TMEM63C: variants seen among roughly 807,000 people sequenced by gnomAD.
TMEM63C encodes transmembrane protein 63C.
In TMEM63C, 32 loss-of-function variants were observed where a neutral mutation model predicts 99.2. The observed-to-expected ratio is 0.32, with a 90% CI of 0.24 to 0.43. The LOEUF is 0.43. TMEM63C is among the 20% of genes least tolerant of loss of function. The probability of loss-of-function intolerance (pLI) is 1.00; values close to 1 mark genes in which losing one functional copy is unlikely to be tolerated. For synonymous variants in TMEM63C, 376 were observed against 397.9 expected, an observed-to-expected ratio of 0.94 and a Z score of 0.66; for missense variants, 826 against 1,053.0, an observed-to-expected ratio of 0.78 and a Z score of 2.98.
At chr14:77,224,697 C>A (rs395051) in intron 5 of TMEM63C, among the ~76,000 whole-genome samples, 75,721 of 151,700 alleles carry the variant, frequency 0.5, 19,423 homozygotes, top group East Asian at 0.76. Context: ...AGGCCTCAAC[C>A]GGACAGGACC....
chr14:77,228,649 G>C (rs12588625), intron 6 of TMEM63C, among the ~76,000 whole-genome samples: 1 of 151,274 alleles, frequency 6.6e-6, no homozygotes, highest in South Asian at 2.1e-4. Context: ...CAATTTTCCT[G>C]CCTCAGCCTC....
chr14:77,205,241 C>A (rs2140099698), intron 1 of TMEM63C, among the ~76,000 whole-genome samples: 1 of 152,330 alleles, frequency 6.6e-6, no homozygotes, highest in Admixed American at 6.5e-5. Context: ...CACACCCAGG[C>A]CTTGCTGGCC....
At chr14:77,223,134 T>C (rs1888755974) in intron 5 of TMEM63C, among the ~76,000 whole-genome samples, 1 of 152,052 alleles carries the variant, frequency 6.6e-6, no homozygotes, top group African/African-American at 2.4e-5. Flanking sequence ...GCTTCCTGGA[T>C]AGAAAAAAGG....
intron 1 of TMEM63C, among the ~76,000 whole-genome samples, chr14:77,185,130 G>T (rs956814905): frequency 6.6e-5 from 10 of 152,194 alleles, no homozygotes; most frequent in African/African-American, 2.4e-4. Context: ...TGCTTAGAAA[G>T]CTAGGACTAG....
At position 77,258,175 on chromosome 14, in the gene TMEM63C, G is replaced by C. The variant is rs940205947; in HGVS notation, c.*1449G>C. Reference sequence around the variant, plus strand: ...AACCAGAACAAGCCAAGCTGAATGGGGTCTGTGTGCTCCAGGGCCCTCTTC... The same window carrying C: ...AACCAGAACAAGCCAAGCTGAATGGCGTCTGTGTGCTCCAGGGCCCTCTTC... On this transcript the variant is annotated 3_prime_UTR_variant, in exon 24 of 24. Transcript: ENST00000298351. The C allele has an allele frequency of 1.3e-5, 2 of 152,568 alleles. No individual in the cohort carries two copies. Among genetic ancestry groups the C allele is most frequent in the Non-Finnish European group, 2.9e-5 (2 of 68,344 alleles). 9.5% of individuals were successfully genotyped at this position (152,568 alleles called of 1,614,324 possible).
chr14:77,239,527 T>C (rs1313987404), intron 11 of TMEM63C, 35 bp downstream of exon 11: 1 of 1,611,536 alleles, frequency 6.2e-7, no homozygotes, highest in Non-Finnish European at 8.5e-7. Flanking sequence ...GGGCCCGGGG[T>C]GGGGGTAAAA....
At chr14:77,215,284 C>T (rs1229816246) in intron 2 of TMEM63C, among the ~76,000 whole-genome samples, 1 of 152,066 alleles carries the variant, frequency 6.6e-6, no homozygotes, top group Non-Finnish European at 1.5e-5. Flanking sequence ...TGGGCTGAGA[C>T]CTCATTCCTT....
chr14:77,251,758 C>T (rs1375399908), intron 21 of TMEM63C, 31 bp from the exon 22 acceptor site: 2 of 1,585,572 alleles, frequency 1.3e-6, no homozygotes, highest in Non-Finnish European at 1.7e-6. Flanking sequence ...CTGGCAGACT[C>T]CTGCCCATGA....
chr14:77,191,933 G>C (rs1292765048), intron 1 of TMEM63C, among the ~76,000 whole-genome samples: 2 of 152,098 alleles, frequency 1.3e-5, no homozygotes, highest in African/African-American at 2.4e-5. Context: ...ATTGTGGTGT[G>C]GTCTATTTCT....
intron 1 of TMEM63C, among the ~76,000 whole-genome samples, chr14:77,193,428 G>A (rs1331217204): frequency 6.6e-6 from 1 of 152,170 alleles, no homozygotes; most frequent in Non-Finnish European, 1.5e-5. Flanking sequence ...GGGCACGGTG[G>A]CTCATGGTTG....
intron 1 of TMEM63C, among the ~76,000 whole-genome samples, chr14:77,182,284 G>A (rs12891631): frequency 0.31 from 47,655 of 151,978 alleles, 9,038 homozygotes; most frequent in East Asian, 0.67. Flanking sequence ...CCGGGGCTCT[G>A]CCGCCCACTC....
At chr14:77,251,140 C>T (rs1555349585) in intron 21 of TMEM63C, among the ~76,000 whole-genome samples, 1 of 152,214 alleles carries the variant, frequency 6.6e-6, no homozygotes, top group Non-Finnish European at 1.5e-5. Context: ...ACGTAGGTGC[C>T]TTTCAGCGGT....
intron 6 of TMEM63C, among the ~76,000 whole-genome samples, chr14:77,227,212 G>A (rs1004148027): frequency 3.9e-5 from 6 of 152,208 alleles, no homozygotes; most frequent in African/African-American, 1.4e-4. Context: ...ATTAGAGAAA[G>A]TCCAAAGTCA....
intron 1 of TMEM63C, among the ~76,000 whole-genome samples, chr14:77,189,752 C>T (rs1888071354): frequency 6.6e-6 from 1 of 152,186 alleles, no homozygotes. Flanking sequence ...GAGGTGACAG[C>T]TGGGTGTGAA....
At chr14:77,214,436 C>T (rs1180168527) in intron 2 of TMEM63C, among the ~76,000 whole-genome samples, 1 of 152,042 alleles carries the variant, frequency 6.6e-6, no homozygotes, top group Admixed American at 6.5e-5. Flanking sequence ...GGAGACTCCC[C>T]AGTCCAGCTT....
At chr14:77,242,202 C>A (rs1889189014) in intron 13 of TMEM63C, 145 bp from the exon 14 acceptor site, 3 of 922,248 alleles carry the variant, frequency 3.3e-6, no homozygotes, top group Non-Finnish European at 5.0e-6. Context: ...GAAGACATAT[C>A]CAAGGCTTCA....
At position 77,231,571 on chromosome 14, in the gene TMEM63C, CTG is replaced by C; in HGVS notation, c.351-11_351-10del. ...GCTGGCTCCTGAGGCACGTCCTTGT[CTG>C]TGTGTCTCTTCCAGGGACGAGGATC... On this transcript the variant is annotated splice_polypyrimidine_tract_variant and intron_variant, in intron 6 of 23. Coordinates refer to ENST00000298351, the MANE Select transcript of TMEM63C (RefSeq NM_020431.4). 1 of 1,551,522 alleles carries C rather than the reference CTG, an allele frequency of 6.4e-7. No homozygotes were observed. The highest frequency in any genetic ancestry group is 8.7e-7 in the Non-Finnish European group (1 of 1,146,970).
At chr14:77,236,947 ACC>A (rs1889072290) in intron 9 of TMEM63C, among the ~76,000 whole-genome samples, 1 of 121,300 alleles carries the variant, frequency 8.2e-6, no homozygotes, top group Non-Finnish European at 1.7e-5. Context: ...CCACCCTCTC[ACC>A]CTCCTCCACG....
intron 1 of TMEM63C, among the ~76,000 whole-genome samples, chr14:77,183,031 C>T (rs1438398531): frequency 6.6e-6 from 1 of 152,188 alleles, no homozygotes; most frequent in Non-Finnish European, 1.5e-5. Flanking sequence ...GGCTACATTC[C>T]GTCTATTGCC....
Sources: allele counts gnomAD v4.1 joint callset (sites outside exome capture counted in the v4.1 genomes callset), GRCh38; gene constraint gnomAD v4.1.1; transcripts MANE v1.5; gene names NCBI Gene and HGNC (gene_info 2026-07-23, HGNC 2026-07-21).